The following KDM2A variants were observed in gnomAD, a reference collection of about 807,000 sequenced individuals.
The protein encoded by KDM2A is lysine demethylase 2A, also known as lysine-specific demethylase 2A.
Under a neutral mutation model 137.3 loss-of-function variants are expected in KDM2A, and 3 were observed. The observed-to-expected ratio is 0.02, with a 90% CI of 0.01 to 0.06. KDM2A has a LOEUF of 0.06. Ranked by LOEUF, KDM2A falls within the 10% of genes least tolerant of loss-of-function variation. The probability of loss-of-function intolerance (pLI) is 1.00; values close to 1 mark genes in which losing one functional copy is unlikely to be tolerated. For missense variants in KDM2A, 738 were observed against 1,510.6 expected, an observed-to-expected ratio of 0.49 and a Z score of 8.48; for synonymous variants, 512 against 541.5, an observed-to-expected ratio of 0.95 and a Z score of 0.76.
intron 2 of KDM2A, among the ~76,000 whole-genome samples, chr11:67,151,351 TTTA>T (rs1434388637): frequency 2.0e-5 from 3 of 150,984 alleles, no homozygotes; most frequent in Admixed American, 1.3e-4. Context: ...ACATATTTTA[TTTA>T]TTATTTTATT....
At chr11:67,243,355 G>A (rs1264182421) in intron 13 of KDM2A, among the ~76,000 whole-genome samples, 2 of 152,204 alleles carry the variant, frequency 1.3e-5, no homozygotes, top group Non-Finnish European at 2.9e-5. Context: ...TTGTGCATCC[G>A]CTTCTATCCT....
intron 10 of KDM2A, among the ~76,000 whole-genome samples, chr11:67,225,174 TTTA>T (rs1590804154): frequency 6.6e-6 from 1 of 152,162 alleles, no homozygotes; most frequent in Non-Finnish European, 1.5e-5. Context: ...CTATCTCGCT[TTTA>T]TTATTTTCAC....
intron 12 of KDM2A, chr11:67,240,001 G>A (rs1207397248): frequency 2.4e-6 from 3 of 1,264,040 alleles, no homozygotes; most frequent in Middle Eastern, 3.0e-4. Context: ...TGGGCCCTCT[G>A]CCTGGCTCGC....
At chr11:67,252,170 G>A (rs66466718) in intron 17 of KDM2A, among the ~76,000 whole-genome samples, 10,270 of 152,224 alleles carry the variant, frequency 0.067, 540 homozygotes, top group African/African-American at 0.14. Context: ...CTGATAAAGA[G>A]CCTCTTTTGA....
intron 2 of KDM2A, among the ~76,000 whole-genome samples, chr11:67,139,767 T>TCAC (rs1856052395): frequency 6.6e-6 from 1 of 152,144 alleles, no homozygotes; most frequent in African/African-American, 2.4e-5. Context: ...TGGAGTGCGC[T>TCAC]GGCACGATCT....
intron 2 of KDM2A, among the ~76,000 whole-genome samples, chr11:67,169,548 TG>T (rs1163287657): frequency 2.7e-5 from 4 of 148,504 alleles, no homozygotes; most frequent in Non-Finnish European, 3.0e-5. Context: ...CCTGGCTAAT[TG>T]TTTTTTGGTA....
chr11:67,230,046 G>A (rs1300150753), intron 11 of KDM2A, among the ~76,000 whole-genome samples: 2 of 151,794 alleles, frequency 1.3e-5, no homozygotes, highest in Non-Finnish European at 2.9e-5. Flanking sequence ...CGTGGTGGCA[G>A]GCACCTGTAG....
rs999460566 is a variant in KDM2A at position 67,180,224 on chromosome 11, A to G, written c.181+7A>G. 3 of 1,612,798 alleles carry G rather than the reference A, an allele frequency of 1.9e-6. No homozygotes were observed. Among genetic ancestry groups the G allele is most frequent in the Non-Finnish European group, 2.5e-6 (3 of 1,179,370 alleles). On this transcript the variant is annotated splice_region_variant and intron_variant, in intron 3 of 20. Coordinates refer to ENST00000529006, the MANE Select transcript of KDM2A (RefSeq NM_012308.3). ...ACTTTTATGGAAGGAAAAGGTCAGTATTGTTTTGGTTCCAGCTTACAGTCC... is the reference window on the plus strand; with the variant it reads ...ACTTTTATGGAAGGAAAAGGTCAGTGTTGTTTTGGTTCCAGCTTACAGTCC...
intron 2 of KDM2A, among the ~76,000 whole-genome samples, chr11:67,170,383 TG>T (rs35453006): frequency 0.73 from 99,727 of 137,056 alleles, 41,425 homozygotes; most frequent in Non-Finnish European, 0.93. Context: ...CTACCAAGCA[TG>T]GGGTTTTTTT....
chr11:67,132,399 T>C (rs750749650), intron 2 of KDM2A, among the ~76,000 whole-genome samples: 8 of 152,174 alleles, frequency 5.3e-5, no homozygotes, highest in African/African-American at 9.7e-5. Flanking sequence ...TTCTCCTGCC[T>C]CAGCCTCCCA....
chr11:67,247,800 A>G (rs915717524), intron 15 of KDM2A, among the ~76,000 whole-genome samples: 1 of 152,248 alleles, frequency 6.6e-6, no homozygotes, highest in Admixed American at 6.5e-5. Flanking sequence ...TACATCTATT[A>G]ACATATCTCA....
At chr11:67,197,737 C>G (rs1180486981) in intron 5 of KDM2A, among the ~76,000 whole-genome samples, 1 of 152,188 alleles carries the variant, frequency 6.6e-6, no homozygotes, top group Non-Finnish European at 1.5e-5. Flanking sequence ...TAATTACTAG[C>G]TGTGTAATCT....
intron 2 of KDM2A, among the ~76,000 whole-genome samples, chr11:67,176,721 A>G (rs550143665): frequency 1.3e-5 from 2 of 152,290 alleles, no homozygotes; most frequent in South Asian, 4.1e-4. Context: ...TACTATAGGC[A>G]GTTATAGCAT....
intron 8 of KDM2A, among the ~76,000 whole-genome samples, chr11:67,217,332 C>T (rs1244469264): frequency 6.6e-6 from 1 of 152,058 alleles, no homozygotes; most frequent in Non-Finnish European, 1.5e-5. Flanking sequence ...CCTTTAAGCC[C>T]TGTTGATCTT....
intron 5 of KDM2A, among the ~76,000 whole-genome samples, chr11:67,205,787 T>TA (rs2136378511): frequency 6.6e-6 from 1 of 152,156 alleles, no homozygotes; most frequent in Non-Finnish European, 1.5e-5. Context: ...CGGCCAGACA[T>TA]ACAATATTGT....
intron 17 of KDM2A, 65 bp from the exon 18 acceptor site, chr11:67,252,629 C>A: frequency 6.4e-7 from 1 of 1,557,778 alleles, no homozygotes; most frequent in Non-Finnish European, 8.8e-7. Flanking sequence ...AAGCCATAAG[C>A]AGCCTGTGAT....
chr11:67,189,066 T>G (rs1250818189), intron 5 of KDM2A, among the ~76,000 whole-genome samples: 1 of 152,086 alleles, frequency 6.6e-6, no homozygotes, highest in Non-Finnish European at 1.5e-5. Flanking sequence ...ACCAACTAGA[T>G]CTCACAGACA....
chr11:67,204,614 C>T (rs1229140023), intron 5 of KDM2A, among the ~76,000 whole-genome samples: 1 of 151,766 alleles, frequency 6.6e-6, no homozygotes, highest in Non-Finnish European at 1.5e-5. Flanking sequence ...GCCTCAGTCT[C>T]CCGAGTACCT....
intron 13 of KDM2A, among the ~76,000 whole-genome samples, chr11:67,244,251 A>G (rs1455773420): frequency 2.0e-5 from 3 of 152,208 alleles, no homozygotes; most frequent in Non-Finnish European, 4.4e-5. Flanking sequence ...GTAGTAGAAA[A>G]CATGGTCCTT....
Sources: gnomAD v4.1 joint callset for allele counts (sites outside exome capture counted in the v4.1 genomes callset) on GRCh38, gnomAD v4.1.1 for gene constraint, MANE v1.5 for transcripts, NCBI Gene and HGNC (gene_info 2026-07-23, HGNC 2026-07-21) for gene names.